The following MTUS1 variants were observed in gnomAD, a reference collection of about 807,000 sequenced individuals.
The protein encoded by MTUS1 is microtubule-associated tumor suppressor 1.
A neutral mutation model predicts 120.8 loss-of-function variants in MTUS1; 109 were observed. The observed-to-expected ratio is 0.90, with a 90% CI of 0.77 to 1.06. The LOEUF is 1.06. Ranked by LOEUF, MTUS1 falls within the 50% of genes least tolerant of loss-of-function variation. MTUS1 has a pLI of 0.00. For synonymous variants in MTUS1, 737 were observed against 550.5 expected, an observed-to-expected ratio of 1.34 and a Z score of -4.74; for missense variants, 2,210 against 1,486.3, an observed-to-expected ratio of 1.49 and a Z score of -8.01.
At chr8:17,695,133 C>T (rs547013219) in intron 6 of MTUS1, among the ~76,000 whole-genome samples, 7 of 152,262 alleles carry the variant, frequency 4.6e-5, no homozygotes, top group East Asian at 1.9e-4. Flanking sequence ...ACTTGACGGA[C>T]GATTTCTCGG....
chr8:17,757,785 C>G (rs1268909576), intron 1 of MTUS1, among the ~76,000 whole-genome samples: 1 of 152,162 alleles, frequency 6.6e-6, no homozygotes, highest in Non-Finnish European at 1.5e-5. Context: ...CCTCGGCCTC[C>G]CAAAGCACTG....
intron 6 of MTUS1, among the ~76,000 whole-genome samples, chr8:17,688,262 G>C (rs1463370782): frequency 6.6e-6 from 1 of 152,174 alleles, no homozygotes; most frequent in Non-Finnish European, 1.5e-5. Flanking sequence ...TGCTGTGGTG[G>C]GTGTGCACCT....
intron 1 of MTUS1, among the ~76,000 whole-genome samples, chr8:17,793,985 C>T (rs2052011050): frequency 6.6e-6 from 1 of 152,018 alleles, no homozygotes; most frequent in South Asian, 2.1e-4. Flanking sequence ...TCTCTTCTAC[C>T]TCAGTGTTTG....
At chr8:17,792,804 C>T (rs145803517) in intron 1 of MTUS1, among the ~76,000 whole-genome samples, 29 of 152,128 alleles carry the variant, frequency 1.9e-4, no homozygotes, top group African/African-American at 7.0e-4. Context: ...GCGGAGGTTG[C>T]AGTGAGCCGA....
intron 1 of MTUS1, among the ~76,000 whole-genome samples, chr8:17,786,230 A>G (rs1047135112): frequency 6.6e-6 from 1 of 152,152 alleles, no homozygotes; most frequent in African/African-American, 2.4e-5. Flanking sequence ...CACATCACCA[A>G]CACACGCACG....
In MTUS1 at chr8:17,675,460, G is replaced by A. The variant is rs115733558; in HGVS notation, c.2839-208C>T. Among the ~76,000 whole-genome samples, 1,091 of 152,238 alleles carry A rather than the reference G, an allele frequency of 7.2e-3. 14 individuals carry two copies. Among genetic ancestry groups the A allele is most frequent in the African/African-American group, 0.023 (971 of 41,550 alleles). On this transcript the variant is annotated intron_variant, in intron 7 of 14. Transcript: ENST00000693296. ...AATTCAAAAATCTGTATTTTTGCAG[G>A]TCCCAGTGAAACTTTGGTTTGACGC...
intron 7 of MTUS1, among the ~76,000 whole-genome samples, chr8:17,679,134 T>C (rs1232001403): frequency 4.1e-5 from 4 of 98,722 alleles, no homozygotes; most frequent in African/African-American, 6.0e-5. Context: ...CTCTTAACCA[T>C]TTTCACCCAT....
chr8:17,743,677 C>A lies in MTUS1; in HGVS notation c.2214G>T (p.Arg738=). ...CACTGGGATTTCTATTGTCACTGTTCCGCCTCAAACAGGAAACAGGGGGCC... is the reference window on the plus strand; with the variant it reads ...CACTGGGATTTCTATTGTCACTGTTACGCCTCAAACAGGAAACAGGGGGCC... The part of the protein sequence containing the change: ...KVGPPVSCLR[R]NSDNRNPSAD... Residue 738 remains arginine, a synonymous_variant, in exon 3 of 15, where the codon CGG becomes CGT. Coordinates refer to ENST00000693296, the MANE Select transcript of MTUS1 (RefSeq NM_001363059.2). 1.2e-6 allele frequency: 2 copies of A among 1,614,084 alleles called. No individual in the cohort carries two copies. The highest frequency in any genetic ancestry group is 8.5e-7 in the Non-Finnish European group (1 of 1,180,016).
intron 3 of MTUS1, among the ~76,000 whole-genome samples, chr8:17,726,074 C>T (rs934812829): frequency 1.3e-5 from 2 of 152,148 alleles, no homozygotes; most frequent in African/African-American, 4.8e-5. Flanking sequence ...CTGCTTACGC[C>T]CATCCTTCCG....
Position 17,713,240 on chromosome 8 carries a change from T to G in MTUS1, c.2597A>C (p.Lys866Thr), listed in dbSNP as rs1257722853. The change falls in exon 6 of 15, where the codon AAA (lysine) becomes ACA (threonine). Residue 866 changes from lysine (K) to threonine (T), a missense_variant. By Grantham distance (78) the Lys-to-Thr change is moderately conservative. Transcript: ENST00000693296. ...MKTPPKGPSR[K>T]NLFTALNAVE... The stretch of plus-strand genomic sequence containing the variant: ...TGCATTAAGAGCTGTAAATAAATTT[T>G]TTCTCGAAGGACCTAAGATATAAAA... 1 of 1,590,154 alleles carries G rather than the reference T, an allele frequency of 6.3e-7. No individual in the cohort carries two copies. The highest frequency in any genetic ancestry group is 1.3e-5 in the African/African-American group (1 of 74,356).
rs1471060622 is a variant in MTUS1, at chr8:17,742,296, T to G, written c.2287+1308A>C. 8.2e-4 allele frequency among the ~76,000 whole-genome samples: 117 copies of G among 142,318 alleles called. 3 individuals carry two copies. Among genetic ancestry groups the G allele is most frequent in the Admixed American group, 2.4e-3 (34 of 14,466 alleles). The allele number at this position is 142,318 out of a possible 152,430, so 93.4% of individuals were successfully genotyped here. A position where few individuals can be genotyped will look rare whatever the true frequency, so the allele number is the denominator to read the frequency against. ...TTTTTTTTTTTGTTGTTGTTGTTTT[T>G]TTTTTTTTTTTTTTTAGAGATAGTG... On this transcript the variant is annotated intron_variant, in intron 3 of 14. Coordinates refer to ENST00000693296, the MANE Select transcript of MTUS1 (RefSeq NM_001363059.2).
chr8:17,797,933 C>G (rs1405040621), intron 1 of MTUS1, among the ~76,000 whole-genome samples: 1 of 152,036 alleles, frequency 6.6e-6, no homozygotes, highest in East Asian at 1.9e-4. Flanking sequence ...GTTCCCCCGC[C>G]CCCCCAAATA....
chr8:17,787,190 T>G (rs931425423), intron 1 of MTUS1, among the ~76,000 whole-genome samples: 1 of 152,170 alleles, frequency 6.6e-6, no homozygotes, highest in Non-Finnish European at 1.5e-5. Flanking sequence ...GCACAGTTTG[T>G]GAGGCCAGGA....
chr8:17,763,036 G>C (rs979857353), intron 1 of MTUS1, among the ~76,000 whole-genome samples: 12 of 150,520 alleles, frequency 8.0e-5, no homozygotes, highest in African/African-American at 2.9e-4. Context: ...CTATCCCCCA[G>C]GCTGGAGTGT....
chr8:17,704,296 C>T (rs1819706824), intron 6 of MTUS1: 1 of 152,154 alleles, frequency 6.6e-6, no homozygotes, highest in Non-Finnish European at 1.5e-5. Flanking sequence ...ATCTGATGTA[C>T]TCCAACCTGT....
chr8:17,787,562 C>T (rs543445968), intron 1 of MTUS1, among the ~76,000 whole-genome samples: 5 of 152,162 alleles, frequency 3.3e-5, no homozygotes, highest in African/African-American at 7.2e-5. Flanking sequence ...GAGAAGCATA[C>T]GTTTATCAAG....
In MTUS1 at chr8:17,755,763, T is replaced by A; in HGVS notation, c.45A>T (p.Gln15His). ...CATCTTTATCACTGGTAAAGAAGGT[T>A]TGCAATTCATCTTCTATTTTATCAT... ...NSDDKIEDELQTFFTSDKDGN... is the reference protein window; with the variant it reads ...NSDDKIEDELHTFFTSDKDGN... The change falls in exon 2 of 15, where the codon CAA becomes CAT. Residue 15 changes from glutamine to histidine, a missense_variant. By Grantham distance (24) the Gln-to-His change is conservative. Transcript: ENST00000693296. 1.2e-6 allele frequency: 2 copies of A among 1,613,856 alleles called. No homozygotes were observed. The highest frequency in any genetic ancestry group is 1.7e-6 in the Non-Finnish European group (2 of 1,179,884).
At chr8:17,646,541 T>C (rs1805833605) in intron 14 of MTUS1, among the ~76,000 whole-genome samples, 1 of 152,154 alleles carries the variant, frequency 6.6e-6, no homozygotes, top group African/African-American at 2.4e-5. Context: ...TAAGCTAAGA[T>C]CACACCACTG....
chr8:17,650,950 T>G (rs966908570), intron 12 of MTUS1, among the ~76,000 whole-genome samples: 12 of 152,122 alleles, frequency 7.9e-5, no homozygotes, highest in Non-Finnish European at 1.8e-4. Context: ...TTCCGGGGCA[T>G]TGGTTTCTGC....
Sources: gnomAD v4.1 joint callset for allele counts (sites outside exome capture counted in the v4.1 genomes callset) on GRCh38, gnomAD v4.1.1 for gene constraint, MANE v1.5 for transcripts, NCBI Gene and HGNC (gene_info 2026-07-23, HGNC 2026-07-21) for gene names.